ANXA4: variants seen among roughly 807,000 people sequenced by gnomAD.
The protein encoded by ANXA4 is 35-beta calcimedin.
Under a neutral mutation model 49.8 loss-of-function variants are expected in ANXA4, and 39 were observed. That is an observed-to-expected ratio of 0.78 (90% CI 0.61 to 1.02). The LOEUF (loss-of-function observed/expected upper bound fraction) is 1.02. Ranked by LOEUF, ANXA4 falls within the 50% of genes least tolerant of loss-of-function variation. The pLI is 0.00. For missense variants in ANXA4, 360 were observed against 410.1 expected, an observed-to-expected ratio of 0.88 and a Z score of 1.05; for synonymous variants, 134 against 152.5, an observed-to-expected ratio of 0.88 and a Z score of 0.89.
At chr2:69,720,770 C>G (rs974603908) in intron 2 of ANXA4, 9 of 151,812 alleles carry the variant, frequency 5.9e-5, no homozygotes, top group African/African-American at 2.2e-4. Flanking sequence ...TTTTTTTCTT[C>G]CAGGTCCCCT....
intron 2 of ANXA4, 34 bp downstream of exon 2, chr2:69,781,608 C>G: frequency 6.2e-7 from 1 of 1,613,170 alleles, no homozygotes; most frequent in Non-Finnish European, 8.5e-7. Context: ...CTATCTGGTG[C>G]CAGCTGCCAA....
chr2:69,684,186 T>C (rs1186290055), intron 2 of ANXA4, among the ~76,000 whole-genome samples: 4 of 152,242 alleles, frequency 2.6e-5, no homozygotes, highest in Non-Finnish European at 4.4e-5. Context: ...GACTACTCTA[T>C]ACCATGCTTC....
intron 2 of ANXA4, among the ~76,000 whole-genome samples, chr2:69,706,366 T>G (rs1407884941): frequency 7.0e-6 from 1 of 142,002 alleles, no homozygotes. Context: ...AGTGGTTCGA[T>G]CTCAGCTCAC....
intron 1 of ANXA4, among the ~76,000 whole-genome samples, chr2:69,767,722 C>T (rs184181278): frequency 3.8e-4 from 58 of 152,278 alleles, no homozygotes; most frequent in African/African-American, 1.3e-3. Context: ...GGTCCAGTTT[C>T]CATCAGATAA....
At chr2:69,750,787 G>T (rs1237148024) in intron 1 of ANXA4, among the ~76,000 whole-genome samples, 1 of 152,168 alleles carries the variant, frequency 6.6e-6, no homozygotes, top group East Asian at 1.9e-4. Flanking sequence ...GAGGTAGATG[G>T]GATAAATCAG....
chr2:69,651,855 G>T (rs1676260008), intron 1 of ANXA4, among the ~76,000 whole-genome samples: 1 of 113,024 alleles, frequency 8.8e-6, no homozygotes, highest in Non-Finnish European at 1.7e-5. Context: ...TCACTCTGTT[G>T]ACCAGGCTGG....
At chr2:69,667,665 A>G (rs1278476225) in intron 2 of ANXA4, among the ~76,000 whole-genome samples, 1 of 152,058 alleles carries the variant, frequency 6.6e-6, no homozygotes, top group Non-Finnish European at 1.5e-5. Context: ...TCTCCTCTCC[A>G]CATAGCATGT....
intron 2 of ANXA4, among the ~76,000 whole-genome samples, chr2:69,703,929 C>T (rs967588006): frequency 1.3e-5 from 2 of 151,972 alleles, no homozygotes; most frequent in South Asian, 2.1e-4. Context: ...TGCGTGCCAC[C>T]CCCCCGCAGC....
At chr2:69,799,138 T>G (rs952005908) in intron 3 of ANXA4, among the ~76,000 whole-genome samples, 1 of 152,322 alleles carries the variant, frequency 6.6e-6, no homozygotes, top group South Asian at 2.1e-4. Flanking sequence ...GAATTTTTTT[T>G]ATCAGCTTTT....
At chr2:69,770,216 T>C (rs1233633308) in intron 1 of ANXA4, among the ~76,000 whole-genome samples, 2 of 152,132 alleles carry the variant, frequency 1.3e-5, no homozygotes, top group East Asian at 3.8e-4. Context: ...ACCCCGTCAC[T>C]GCAATAAAAC....
intron 1 of ANXA4, among the ~76,000 whole-genome samples, chr2:69,645,087 A>AT (rs566798979): frequency 5.9e-5 from 9 of 151,572 alleles, no homozygotes; most frequent in Non-Finnish European, 1.0e-4. Flanking sequence ...TTGTCTCAGA[A>AT]TTTTTTTTTC....
chr2:69,720,152 T>C (rs1669780337), intron 2 of ANXA4, among the ~76,000 whole-genome samples: 1 of 152,214 alleles, frequency 6.6e-6, no homozygotes. Flanking sequence ...CAATTCAGAA[T>C]TTGTTTCATA....
intron 2 of ANXA4, among the ~76,000 whole-genome samples, chr2:69,713,182 T>TA (rs563756869): frequency 0.046 from 6,587 of 143,502 alleles, 404 homozygotes; most frequent in African/African-American, 0.14. Flanking sequence ...TATTATGAAG[T>TA]AAAAAAAAAA....
upstream of ANXA4, chr2:69,643,916 G>A (rs1420453750): frequency 4.3e-6 from 5 of 1,153,438 alleles, no homozygotes; most frequent in South Asian, 1.3e-4. Flanking sequence ...AGGACTGGGG[G>A]AAGAGGGTCT....
At chr2:69,678,187 C>T (rs1677472619) in intron 2 of ANXA4, among the ~76,000 whole-genome samples, 1 of 152,084 alleles carries the variant, frequency 6.6e-6, no homozygotes, top group Non-Finnish European at 1.5e-5. Flanking sequence ...AGGCCATTTA[C>T]AATTTTTGTT....
chr2:69,766,597 G>T (rs1671503280), intron 1 of ANXA4, among the ~76,000 whole-genome samples: 1 of 152,162 alleles, frequency 6.6e-6, no homozygotes, highest in South Asian at 2.1e-4. Flanking sequence ...TTATCTGAAT[G>T]GCCCATGATG....
At chr2:69,666,828 T>A (rs953600672) in intron 2 of ANXA4, among the ~76,000 whole-genome samples, 47 of 152,176 alleles carry the variant, frequency 3.1e-4, no homozygotes, top group Non-Finnish European at 5.9e-5. Context: ...GGAGGATCAC[T>A]TGAGGCCAGG....
intron 2 of ANXA4, among the ~76,000 whole-genome samples, chr2:69,656,616 G>C (rs1676508759): frequency 7.3e-6 from 1 of 136,600 alleles, no homozygotes; most frequent in Non-Finnish European, 1.5e-5. Flanking sequence ...TTAGCGGCCT[G>C]ATTTCCGCTC....
chr2:69,765,419 A>T (rs962030248), intron 1 of ANXA4, among the ~76,000 whole-genome samples: 1 of 152,148 alleles, frequency 6.6e-6, no homozygotes, highest in Non-Finnish European at 1.5e-5. Flanking sequence ...TTTGAATAGT[A>T]GCCATTCTAA....
Sources: gnomAD v4.1 joint callset for allele counts (sites outside exome capture counted in the v4.1 genomes callset) on GRCh38, gnomAD v4.1.1 for gene constraint, MANE v1.5 for transcripts, NCBI Gene and HGNC (gene_info 2026-07-23, HGNC 2026-07-21) for gene names.